ARSK: variants seen among roughly 807,000 people sequenced by gnomAD.
ARSK encodes arylsulfatase K.
ARSK carries 37 observed loss-of-function variants against 53.2 expected under a neutral mutation model. The ratio of observed to expected loss-of-function variants is 0.70; its 90% confidence interval spans 0.54 to 0.92. The LOEUF is 0.92. Ranked by LOEUF, ARSK falls within the 40% of genes least tolerant of loss-of-function variation. The probability of loss-of-function intolerance (pLI) is 0.00; values close to 1 mark genes in which losing one functional copy is unlikely to be tolerated. For missense variants in ARSK, 613 were observed against 643.0 expected (o/e 0.95, Z 0.51); for synonymous variants, 208 against 223.2 (o/e 0.93, Z 0.61).
At chr5:95,601,273 G>A (rs935628002) in intron 7 of ARSK, among the ~76,000 whole-genome samples, 1 of 152,172 alleles carries the variant, frequency 6.6e-6, no homozygotes, top group African/African-American at 2.4e-5. Context: ...AGTGTCCTAA[G>A]GCTTTTGATC....
At chr5:95,574,664 C>G (rs1306020539) in intron 3 of ARSK, among the ~76,000 whole-genome samples, 1 of 151,822 alleles carries the variant, frequency 6.6e-6, no homozygotes, top group African/African-American at 2.4e-5. Flanking sequence ...CTGTTCAGAT[C>G]TTTTGCCCAT....
At chr5:95,556,110 T>C (rs952077248) in intron 1 of ARSK, 11 of 661,686 alleles carry the variant, frequency 1.7e-5, no homozygotes, top group East Asian at 5.5e-5. Context: ...ATTAGTTTAT[T>C]ATCACTCGGT....
Position 95,603,357 on chromosome 5 carries a change from A to G in ARSK, c.1442A>G (p.His481Arg), listed in dbSNP as rs759245724. ...TACCCTAAAGTTTCTGCTTCTGTCC[A>G]CCAGTATAATAAAGAGCAGTTTATC... ...INYPKVSASVHQYNKEQFIKW... is the reference protein window; with the variant it reads ...INYPKVSASVRQYNKEQFIKW... The change falls in exon 8 of 8, where the codon CAC (histidine) becomes CGC (arginine). Residue 481 changes from histidine (H) to arginine (R), a missense_variant. Physicochemically the swap from His to Arg is conservative, Grantham distance 29. Coordinates refer to ENST00000380009, the MANE Select transcript of ARSK (RefSeq NM_198150.3). 6.2e-7 allele frequency: 1 copy of G among 1,613,442 alleles called. No homozygotes were observed. Among genetic ancestry groups the G allele is most frequent in the Non-Finnish European group, 8.5e-7 (1 of 1,179,662 alleles).
At chr5:95,598,956 C>T (rs879306044) in intron 6 of ARSK, among the ~76,000 whole-genome samples, 21 of 152,188 alleles carry the variant, frequency 1.4e-4, no homozygotes, top group Non-Finnish European at 2.4e-4. Flanking sequence ...CCTTCCCTGA[C>T]CACCCTATAT....
chr5:95,556,579 T>C lies in ARSK; in HGVS notation c.126+1175T>C, dbSNP rs146866545. 260 of 237,332 alleles carry C rather than the reference T, an allele frequency of 1.1e-3. 3 individuals are homozygous for C. The highest frequency in any genetic ancestry group is 5.7e-3 in the African/African-American group (254 of 44,868). 14.7% of individuals were successfully genotyped at this position (237,332 alleles called of 1,614,324 possible). A position where few individuals can be genotyped will look rare whatever the true frequency, so the allele number is the denominator to read the frequency against. Reference sequence around the variant, plus strand: ...AAGCAGCTGTCTTCAGCAGAGGCAATTGTTCATTCCTAAAAGGGAATCCGA... The same window carrying C: ...AAGCAGCTGTCTTCAGCAGAGGCAACTGTTCATTCCTAAAAGGGAATCCGA... On this transcript the variant is annotated intron_variant, in intron 1 of 7. Transcript: ENST00000380009.
At chr5:95,592,117 G>A (rs1167927358) in intron 6 of ARSK, among the ~76,000 whole-genome samples, 6 of 152,186 alleles carry the variant, frequency 3.9e-5, no homozygotes, top group African/African-American at 1.4e-4. Flanking sequence ...ATATGGATAA[G>A]GGTAGTTAGC....
rs140438970 is a variant in ARSK, at chr5:95,603,341, G to C, written c.1426G>C (p.Val476Leu). ...KLHSIINYPK[V>L]SASVHQYNKE... ...TCATTCCATTATAAACTACCCTAAAGTTTCTGCTTCTGTCCACCAGTATAA... is the reference window on the plus strand; with the variant it reads ...TCATTCCATTATAAACTACCCTAAACTTTCTGCTTCTGTCCACCAGTATAA... Residue 476 changes from valine to leucine, a missense_variant, in exon 8 of 8, where the codon GTT becomes CTT. Val to Leu is a conservative substitution (Grantham distance 32). Transcript: ENST00000380009. 194 of 1,612,380 alleles carry C rather than the reference G, an allele frequency of 1.2e-4. No homozygotes were observed. Among genetic ancestry groups the C allele is most frequent in the Non-Finnish European group, 1.6e-4 (185 of 1,179,264 alleles).
chr5:95,579,667 A>T (rs1287243106), intron 3 of ARSK, among the ~76,000 whole-genome samples: 1 of 152,236 alleles, frequency 6.6e-6, no homozygotes, highest in Non-Finnish European at 1.5e-5. Flanking sequence ...GACAAGATTC[A>T]CAAATTGTGA....
chr5:95,592,265 C>T (rs756540140), intron 6 of ARSK, among the ~76,000 whole-genome samples: 19 of 151,986 alleles, frequency 1.3e-4, no homozygotes, highest in Admixed American at 1.3e-4. Context: ...TGTTCTAAGG[C>T]ACCATCAATT....
chr5:95,590,266 G>A (rs1309380894), intron 5 of ARSK, among the ~76,000 whole-genome samples: 4 of 152,140 alleles, frequency 2.6e-5, no homozygotes, highest in Non-Finnish European at 5.9e-5. Context: ...TATATGCAGA[G>A]GCAAGAAAGC....
chr5:95,600,979 G>A lies in ARSK; in HGVS notation c.1229G>A (p.Cys410Tyr). 1.2e-6 allele frequency: 2 copies of A among 1,614,086 alleles called. No individual in the cohort carries two copies. Among genetic ancestry groups the A allele is most frequent in the African/African-American group, 2.7e-5 (2 of 75,050 alleles). ...TGGATTCTGAGTGAATTCCATGGAT[G>A]TAATGTGAATGCCTCCACCTACATG... ...PPWILSEFHG[C>Y]NVNASTYMLR... Residue 410 changes from cysteine to tyrosine, a missense_variant, in exon 7 of 8, where the codon TGT (cysteine) becomes TAT (tyrosine). By Grantham distance (194) the Cys-to-Tyr change is radical (BLOSUM62 -2). Coordinates refer to ENST00000380009, the MANE Select transcript of ARSK (RefSeq NM_198150.3).
Position 95,563,332 on chromosome 5 carries a change from A to G in ARSK, c.127-2666A>G, listed in dbSNP as rs1036979831. ...TGCAAAAATACACTGTTGAATTTTG[A>G]GCATAAATTTGTCTTCTTTTTTAAA... On this transcript the variant is annotated intron_variant, in intron 1 of 7. Coordinates refer to ENST00000380009, the MANE Select transcript of ARSK (RefSeq NM_198150.3). 2.0e-5 allele frequency among the ~76,000 whole-genome samples: 3 copies of G among 152,190 alleles called. No individual in the cohort carries two copies. The South Asian group carries it at 6.2e-4, about 31-fold the overall frequency.
chr5:95,599,179 C>T (rs1449294027), intron 6 of ARSK, among the ~76,000 whole-genome samples: 1 of 152,158 alleles, frequency 6.6e-6, no homozygotes, highest in Non-Finnish European at 1.5e-5. Flanking sequence ...AAAATGAACA[C>T]TTGAATGGAC....
intron 4 of ARSK, among the ~76,000 whole-genome samples, chr5:95,586,341 C>T (rs1308010242): frequency 6.6e-6 from 1 of 152,140 alleles, no homozygotes; most frequent in Non-Finnish European, 1.5e-5. Context: ...ACCACTATCT[C>T]ATGATATATA....
In ARSK at chr5:95,591,531, A is replaced by C. The variant is rs768768829; in HGVS notation, c.1002A>C (p.Ala334=). ...AAATGAGCATGTACGAGGCTAGTGCACATGTTCCGCTTTTGATGATGGGAC... is the reference window on the plus strand; with the variant it reads ...AAATGAGCATGTACGAGGCTAGTGCCCATGTTCCGCTTTTGATGATGGGAC... ...FYKMSMYEAS[A]HVPLLMMGPG... Residue 334 remains alanine, a synonymous_variant, in exon 6 of 8, where the codon GCA becomes GCC. Transcript: ENST00000380009. 1 of 1,614,180 alleles carries C rather than the reference A, an allele frequency of 6.2e-7. No individual in the cohort carries two copies. The highest frequency in any genetic ancestry group is 1.1e-5 in the South Asian group (1 of 91,082).
At chr5:95,560,841 G>A (rs1249830856) in intron 1 of ARSK, among the ~76,000 whole-genome samples, 4 of 132,554 alleles carry the variant, frequency 3.0e-5, no homozygotes, top group African/African-American at 1.1e-4. Flanking sequence ...GTCTCGCTCT[G>A]TCACCCAGGC....
Position 95,555,193 on chromosome 5 carries a change from C to T in ARSK, c.-86C>T. The T allele has an allele frequency of 5.2e-6, 7 of 1,335,114 alleles. No individual in the cohort carries two copies. The highest frequency in any genetic ancestry group is 7.1e-6 in the Non-Finnish European group (7 of 985,586). 82.7% of individuals were successfully genotyped at this position (1,335,114 alleles called of 1,614,324 possible). ...CAAACTGCAAGCTTTGGGAGTTGTTCGCTGTCCCTGCCCTGCTCTGCTAGG... is the reference window on the plus strand; with the variant it reads ...CAAACTGCAAGCTTTGGGAGTTGTTTGCTGTCCCTGCCCTGCTCTGCTAGG... On this transcript the variant is annotated 5_prime_UTR_variant, in exon 1 of 8. Transcript: ENST00000380009. The surrounding 1 kb of genome is among the most constrained non-coding windows in gnomAD (Gnocchi z 4.0).
intron 3 of ARSK, among the ~76,000 whole-genome samples, chr5:95,568,266 A>G (rs17084904): frequency 0.024 from 3,704 of 152,292 alleles, 104 homozygotes; most frequent in East Asian, 0.11. Flanking sequence ...CTTAAGCATT[A>G]AAGGTCTATA....
Position 95,589,798 on chromosome 5 carries a change from A to G in ARSK, c.872-1603A>G, listed in dbSNP as rs180995001. On this transcript the variant is annotated intron_variant, in intron 5 of 7. Coordinates refer to ENST00000380009, the MANE Select transcript of ARSK (RefSeq NM_198150.3). ...TATTCCTTTGGGTATATACCCAGTA[A>G]TTGGATTGCTAGGTCAAATGGTGTT... Among the ~76,000 whole-genome samples the G allele has an allele frequency of 2.0e-5, 3 of 152,274 alleles. No homozygotes were observed. In the East Asian group the frequency reaches 5.8e-4, roughly 29 times the overall value.
Sources: allele counts gnomAD v4.1 joint callset (sites outside exome capture counted in the v4.1 genomes callset), GRCh38; gene constraint gnomAD v4.1.1; non-coding constraint Gnocchi (gnomAD v3.1); transcripts MANE v1.5; gene names NCBI Gene and HGNC (gene_info 2026-07-23, HGNC 2026-07-21).